Variants in FERRY3 observed in about 807,000 individuals in gnomAD.
FERRY3 encodes the protein FERRY endosomal RAB5 effector complex subunit 3, also known as protein C12orf4.
At chr12:4,528,577 G>A in the FERRY3 span, among the ~76,000 whole-genome samples, 1 of 152,030 alleles carries the variant, frequency 6.6e-6, no homozygotes, top group Non-Finnish European at 1.5e-5. Flanking sequence ...TGTTCTTTTT[G>A]ACAAAGAGAT....
At chr12:4,498,866 G>A in the FERRY3 span, among the ~76,000 whole-genome samples, 11 of 152,136 alleles carry the variant, frequency 7.2e-5, no homozygotes, top group Non-Finnish European at 1.0e-4. Flanking sequence ...TAGGGTTCAC[G>A]CTCCTATGAC....
At chr12:4,489,677 G>A in the FERRY3 span, 2 of 636,872 alleles carry the variant, frequency 3.1e-6, no homozygotes, top group Non-Finnish European at 5.4e-6. Flanking sequence ...TCACACACAT[G>A]TATCTTGATT....
the FERRY3 span, among the ~76,000 whole-genome samples, chr12:4,503,018 C>T: frequency 6.6e-6 from 1 of 152,066 alleles, no homozygotes; most frequent in African/African-American, 2.4e-5. Context: ...TCCTTCTGGC[C>T]CAGTGAAGTG....
chr12:4,492,614 C>G, the FERRY3 span, among the ~76,000 whole-genome samples: 21 of 152,308 alleles, frequency 1.4e-4, no homozygotes, highest in East Asian at 1.2e-3. Context: ...CATTTCCCCC[C>G]CTCTGCCCTG....
the FERRY3 span, among the ~76,000 whole-genome samples, chr12:4,510,746 C>T: frequency 5.5e-5 from 8 of 146,080 alleles, no homozygotes; most frequent in East Asian, 1.2e-3. Context: ...CTGAAGGAAG[C>T]GCTAAACATG....
chr12:4,515,411 C>T, the FERRY3 span, among the ~76,000 whole-genome samples: 1 of 152,192 alleles, frequency 6.6e-6, no homozygotes, highest in Non-Finnish European at 1.5e-5. Context: ...ACTAAAAACA[C>T]ACCTAAATGT....
chr12:4,527,542 G>A, the FERRY3 span, among the ~76,000 whole-genome samples: 2 of 152,014 alleles, frequency 1.3e-5, no homozygotes, highest in African/African-American at 4.8e-5. Context: ...TTTTAAAGAT[G>A]TACAATGGCA....
At chr12:4,499,309 A>G in the FERRY3 span, among the ~76,000 whole-genome samples, 1 of 152,092 alleles carries the variant, frequency 6.6e-6, no homozygotes, top group Non-Finnish European at 1.5e-5. Flanking sequence ...TCTGCTTTTT[A>G]AAAAATGCCT....
At chr12:4,495,664 A>G in the FERRY3 span, among the ~76,000 whole-genome samples, 1 of 152,260 alleles carries the variant, frequency 6.6e-6, no homozygotes, top group African/African-American at 2.4e-5. Flanking sequence ...GTTAAATGGT[A>G]TGACCAAAAG....
At chr12:4,535,931 G>T in the FERRY3 span, 1 of 1,172,100 alleles carries the variant, frequency 8.5e-7, no homozygotes, top group Non-Finnish European at 1.1e-6. The surrounding 1 kb of genome is among the most constrained non-coding windows in gnomAD (Gnocchi z 4.0). Context: ...AGCTTCTTAG[G>T]TTTATGCTTT....
the FERRY3 span, among the ~76,000 whole-genome samples, chr12:4,524,316 G>A: frequency 6.6e-6 from 1 of 152,064 alleles, no homozygotes; most frequent in African/African-American, 2.4e-5. Context: ...ATAGCAGGCT[G>A]CAACGAACAG....
the FERRY3 span, among the ~76,000 whole-genome samples, chr12:4,534,973 T>C: frequency 3.9e-5 from 6 of 152,252 alleles, no homozygotes; most frequent in East Asian, 3.8e-4. Context: ...TGAACATTAC[T>C]GTATTTACAT....
chr12:4,536,811 T>TCTC, the FERRY3 span, among the ~76,000 whole-genome samples: 2 of 152,324 alleles, frequency 1.3e-5, no homozygotes, highest in East Asian at 3.9e-4. Flanking sequence ...TTAAAGGCAG[T>TCTC]AAGAATCAAC....
chr12:4,509,709 A>G, the FERRY3 span, among the ~76,000 whole-genome samples: 5 of 142,912 alleles, frequency 3.5e-5, no homozygotes, highest in Non-Finnish European at 7.6e-5. Context: ...AAGGAAAACT[A>G]ACAAACAGAA....
the FERRY3 span, among the ~76,000 whole-genome samples, chr12:4,521,860 C>A: frequency 6.6e-6 from 1 of 152,110 alleles, no homozygotes; most frequent in Non-Finnish European, 1.5e-5. Flanking sequence ...AGGATAAAAT[C>A]TTTGTGATCT....
the FERRY3 span, among the ~76,000 whole-genome samples, chr12:4,533,542 C>T: frequency 2.6e-5 from 4 of 152,096 alleles, no homozygotes; most frequent in South Asian, 4.1e-4. Flanking sequence ...GTCATCTTGG[C>T]ATTCTCTCAT....
the FERRY3 span, among the ~76,000 whole-genome samples, chr12:4,497,043 C>A: frequency 2.0e-5 from 3 of 152,128 alleles, no homozygotes; most frequent in Admixed American, 6.5e-5. Flanking sequence ...AGTATTTTGA[C>A]AAGCTAATTC....
the FERRY3 span, among the ~76,000 whole-genome samples, chr12:4,524,221 A>C: frequency 6.6e-6 from 1 of 152,206 alleles, no homozygotes; most frequent in African/African-American, 2.4e-5. Flanking sequence ...CATTTATAGA[A>C]AGCTTCACAT....
At chr12:4,514,446 C>T in the FERRY3 span, among the ~76,000 whole-genome samples, 10 of 152,186 alleles carry the variant, frequency 6.6e-5, no homozygotes, top group Admixed American at 3.3e-4. Context: ...CACATGCACA[C>T]GTATGTTTAC....
Sources: allele counts gnomAD v4.1 joint callset (sites outside exome capture counted in the v4.1 genomes callset), GRCh38; gene constraint gnomAD v4.1.1; non-coding constraint Gnocchi (gnomAD v3.1); transcripts MANE v1.5; gene names NCBI Gene and HGNC (gene_info 2026-07-23, HGNC 2026-07-21).